Variants in NBAS observed in about 807,000 individuals in gnomAD.
The protein encoded by NBAS is NAG/BC035112 fusion.
A neutral mutation model predicts 302.5 loss-of-function variants in NBAS; 219 were observed. That is an observed-to-expected ratio of 0.72 (90% CI 0.65 to 0.81). The LOEUF is 0.81. Ranked by LOEUF, NBAS falls within the 30% of genes least tolerant of loss-of-function variation. The pLI is 0.00. For synonymous variants in NBAS, 1,118 were observed against 1,021.6 expected, an observed-to-expected ratio of 1.09 and a Z score of -1.80; for missense variants, 2,932 against 2,841.6, an observed-to-expected ratio of 1.03 and a Z score of -0.72.
chr2:15,079,070 C>A, the NBAS span, among the ~76,000 whole-genome samples: 4 of 152,238 alleles, frequency 2.6e-5, no homozygotes, highest in African/African-American at 9.6e-5. Context: ...AAGTGCAATG[C>A]AGTTTTAAGT....
intron 44 of NBAS, among the ~76,000 whole-genome samples, chr2:15,260,255 C>T (rs1668787865): frequency 6.6e-6 from 1 of 152,162 alleles, no homozygotes; most frequent in African/African-American, 2.4e-5. Context: ...TTCAAGTTCA[C>T]AGCTTTGTAG....
At chr2:15,274,984 T>C (rs1191251145) in intron 44 of NBAS, among the ~76,000 whole-genome samples, 1 of 151,466 alleles carries the variant, frequency 6.6e-6, no homozygotes, top group African/African-American at 2.4e-5. Flanking sequence ...GATTTCACCA[T>C]ATTGGCCAGG....
At chr2:15,553,209 G>A (rs1664465737) in intron 5 of NBAS, among the ~76,000 whole-genome samples, 1 of 152,136 alleles carries the variant, frequency 6.6e-6, no homozygotes. Flanking sequence ...AAGAGGCAAC[G>A]GAATGATCTG....
chr2:15,391,223 T>C (rs78128661), intron 28 of NBAS, among the ~76,000 whole-genome samples: 2,056 of 152,236 alleles, frequency 0.014, 33 homozygotes, highest in East Asian at 0.06. Flanking sequence ...GTTAGAAATA[T>C]GCTTTTAAAA....
At chr2:15,272,103 A>G (rs1669351548) in intron 44 of NBAS, among the ~76,000 whole-genome samples, 2 of 152,210 alleles carry the variant, frequency 1.3e-5, no homozygotes, top group African/African-American at 4.8e-5. Context: ...CAATGGAATG[A>G]CTGTTACCAT....
chr2:15,192,548 C>A (rs1012467841), intron 48 of NBAS, among the ~76,000 whole-genome samples: 1 of 152,162 alleles, frequency 6.6e-6, no homozygotes, highest in South Asian at 2.1e-4. Context: ...GGCAGGTTTG[C>A]TAACATTACA....
chr2:14,984,030 T>C, the NBAS span, among the ~76,000 whole-genome samples: 12 of 152,126 alleles, frequency 7.9e-5, no homozygotes, highest in African/African-American at 2.9e-4. Context: ...AGAATCCCAT[T>C]AAAAAATGCA....
At chr2:14,955,628 C>T in the NBAS span, among the ~76,000 whole-genome samples, 7 of 152,238 alleles carry the variant, frequency 4.6e-5, no homozygotes, top group South Asian at 2.1e-4. Flanking sequence ...TCTTGACTTA[C>T]GTGTACCCAT....
the NBAS span, among the ~76,000 whole-genome samples, chr2:15,039,768 C>G: frequency 2.6e-5 from 4 of 152,332 alleles, no homozygotes; most frequent in African/African-American, 9.6e-5. Flanking sequence ...GAATCCAATT[C>G]CTTCCGGCAG....
At chr2:15,312,702 T>G (rs1287894635) in intron 38 of NBAS, among the ~76,000 whole-genome samples, 1 of 152,218 alleles carries the variant, frequency 6.6e-6, no homozygotes, top group East Asian at 1.9e-4. Flanking sequence ...CTACCTCAAA[T>G]TAATCATTCT....
At chr2:15,221,545 G>T (rs1666948830) in intron 47 of NBAS, among the ~76,000 whole-genome samples, 1 of 152,160 alleles carries the variant, frequency 6.6e-6, no homozygotes, top group African/African-American at 2.4e-5. Flanking sequence ...GGAACGGCAA[G>T]ACTTTAAAAG....
chr2:15,292,734 G>C lies in NBAS; in HGVS notation c.4830C>G (p.Thr1610=), dbSNP rs1190636576. The change falls in exon 41 of 52, where the codon ACC becomes ACG. Residue 1610 remains threonine, a synonymous_variant. Coordinates refer to ENST00000281513, the MANE Select transcript of NBAS (RefSeq NM_015909.4). ...CGTGCTCATGTCGAGTCACATGCCT[G>C]GTGACCATCTTGATTAGTTCTTTGG... ...ADPKELIKMV[T]RHVTRHEHEA... is the part of the protein sequence containing the mutation. The C allele has an allele frequency of 1.2e-6, 2 of 1,614,166 alleles. No homozygotes were observed. The highest frequency in any genetic ancestry group is 1.7e-6 in the Non-Finnish European group (2 of 1,180,044).
At chr2:15,499,396 T>C (rs1681196743) in intron 11 of NBAS, among the ~76,000 whole-genome samples, 1 of 152,214 alleles carries the variant, frequency 6.6e-6, no homozygotes, top group Non-Finnish European at 1.5e-5. Flanking sequence ...AAAGAAAATG[T>C]GTTACATACA....
intron 35 of NBAS, among the ~76,000 whole-genome samples, chr2:15,347,572 A>C (rs1279560033): frequency 2.0e-5 from 3 of 152,232 alleles, no homozygotes; most frequent in Non-Finnish European, 4.4e-5. Context: ...AGTCGTATAA[A>C]TCTGTAGCCA....
the NBAS span, among the ~76,000 whole-genome samples, chr2:14,831,351 G>A: frequency 6.6e-6 from 1 of 151,746 alleles, no homozygotes; most frequent in Non-Finnish European, 1.5e-5. Context: ...TCATTCGTGG[G>A]GATAAAATAA....
the NBAS span, among the ~76,000 whole-genome samples, chr2:14,944,156 C>T: frequency 5.7e-4 from 86 of 152,166 alleles, no homozygotes; most frequent in East Asian, 0.011. Context: ...AAAAATTAGC[C>T]GGGCATGGTG....
chr2:15,004,275 G>C, the NBAS span, among the ~76,000 whole-genome samples: 1 of 152,092 alleles, frequency 6.6e-6, no homozygotes, highest in Non-Finnish European at 1.5e-5. Context: ...ATGATATCTA[G>C]ACCTACAAAT....
At chr2:14,803,693 A>G in the NBAS span, among the ~76,000 whole-genome samples, 1 of 152,124 alleles carries the variant, frequency 6.6e-6, no homozygotes, top group East Asian at 1.9e-4. Context: ...TCTGTCATCC[A>G]GGCTGGAGTG....
intron 51 of NBAS, among the ~76,000 whole-genome samples, chr2:15,169,204 G>T (rs1664174873): frequency 6.6e-6 from 1 of 152,104 alleles, no homozygotes; most frequent in Non-Finnish European, 1.5e-5. Context: ...CCCAATTCAT[G>T]AACACTTGTA....
Sources: gnomAD v4.1 joint callset for allele counts (sites outside exome capture counted in the v4.1 genomes callset) on GRCh38, gnomAD v4.1.1 for gene constraint, MANE v1.5 for transcripts, NCBI Gene and HGNC (gene_info 2026-07-23, HGNC 2026-07-21) for gene names.